DGKG: variants seen among roughly 807,000 people sequenced by gnomAD.
DGKG encodes the protein DAG kinase gamma.
DGKG carries 78 observed loss-of-function variants against 105.3 expected under a neutral mutation model. That is an observed-to-expected ratio of 0.74 (90% confidence interval 0.62 to 0.89). DGKG has a LOEUF of 0.89. Among genes scored for constraint, DGKG ranks in the 40% least tolerant of loss-of-function variants. The pLI, the probability that DGKG is intolerant of heterozygous loss-of-function variation, is 0.00. For missense variants in DGKG, 958 were observed against 1,020.1 expected (o/e 0.94, Z 0.83); for synonymous variants, 346 against 367.1 (o/e 0.94, Z 0.66).
chr3:186,234,719 C>T (rs1720330779), intron 20 of DGKG, among the ~76,000 whole-genome samples: 1 of 152,206 alleles, frequency 6.6e-6, no homozygotes. Flanking sequence ...TGAGACGCCA[C>T]AGGCTGCTGC....
intron 21 of DGKG, among the ~76,000 whole-genome samples, chr3:186,204,914 C>T (rs566262904): frequency 6.6e-6 from 1 of 152,228 alleles, no homozygotes; most frequent in Admixed American, 6.5e-5. Flanking sequence ...TTCTGCTCCT[C>T]GTCACGGATA....
intron 21 of DGKG, among the ~76,000 whole-genome samples, chr3:186,208,346 G>A (rs961974508): frequency 2.0e-5 from 3 of 151,170 alleles, no homozygotes; most frequent in Non-Finnish European, 2.9e-5. Context: ...CTCGCCACGC[G>A]AATGGCTTTT....
At chr3:186,268,415 G>T (rs1258506972) in intron 12 of DGKG, among the ~76,000 whole-genome samples, 1 of 152,154 alleles carries the variant, frequency 6.6e-6, no homozygotes, top group Non-Finnish European at 1.5e-5. Context: ...GTGCCTTCAG[G>T]GCAGGCACCC....
chr3:186,201,123 T>C (rs1033991473), intron 21 of DGKG, among the ~76,000 whole-genome samples: 1 of 152,066 alleles, frequency 6.6e-6, no homozygotes, highest in Admixed American at 6.5e-5. Flanking sequence ...TATCCACTGC[T>C]CCACCCTCCC....
chr3:186,250,253 C>G (rs1432091828), intron 19 of DGKG, among the ~76,000 whole-genome samples: 1 of 152,148 alleles, frequency 6.6e-6, no homozygotes, highest in African/African-American at 2.4e-5. Flanking sequence ...AGTGGCTGTT[C>G]TCACTTACAA....
At chr3:186,166,134 T>G (rs531388214) in intron 22 of DGKG, among the ~76,000 whole-genome samples, 3 of 152,222 alleles carry the variant, frequency 2.0e-5, no homozygotes, top group Non-Finnish European at 4.4e-5. Flanking sequence ...AACTATTGTT[T>G]AAAAAACAAT....
chr3:186,227,486 T>C (rs1719912674), intron 20 of DGKG, among the ~76,000 whole-genome samples: 1 of 152,224 alleles, frequency 6.6e-6, no homozygotes, highest in African/African-American at 2.4e-5. Context: ...AATTTGTGTC[T>C]GTATTTCACA....
chr3:186,350,749 C>T (rs1197678083), intron 1 of DGKG, among the ~76,000 whole-genome samples: 1 of 152,200 alleles, frequency 6.6e-6, no homozygotes, highest in African/African-American at 2.4e-5. Context: ...CTTGCCAACA[C>T]TTGTTATTTT....
intron 21 of DGKG, among the ~76,000 whole-genome samples, chr3:186,206,394 A>T (rs1718737690): frequency 1.3e-5 from 2 of 151,066 alleles, no homozygotes; most frequent in African/African-American, 4.9e-5. Context: ...AAAACAAAAC[A>T]AAACAAAACA....
intron 1 of DGKG, among the ~76,000 whole-genome samples, chr3:186,322,441 A>C (rs1198615711): frequency 6.6e-6 from 1 of 152,192 alleles, no homozygotes; most frequent in African/African-American, 2.4e-5. Context: ...GGAGGATGGG[A>C]GGAGGGAGAG....
intron 20 of DGKG, among the ~76,000 whole-genome samples, chr3:186,214,527 C>T (rs950237281): frequency 6.6e-6 from 1 of 151,906 alleles, no homozygotes; most frequent in African/African-American, 2.4e-5. Context: ...TTTTTCTGGG[C>T]AAGAAAAAAT....
At chr3:186,153,050 G>C (rs1242997409) in intron 24 of DGKG, among the ~76,000 whole-genome samples, 1 of 146,166 alleles carries the variant, frequency 6.8e-6, no homozygotes, top group African/African-American at 2.5e-5. Flanking sequence ...TTGCTAGTTA[G>C]TACCTCCAGG....
chr3:186,272,304 T>G lies in DGKG; in HGVS notation c.950A>C (p.Asn317Thr). The change falls in exon 11 of 25, where the codon AAC becomes ACC. Residue 317 changes from asparagine (N) to threonine (T), a missense_variant. Coordinates refer to ENST00000265022, the MANE Select transcript of DGKG (RefSeq NM_001346.3). Reference protein sequence around the residue: ...YTVHERCVSRNIPGCVKTYSK... With the variant: ...YTVHERCVSRTIPGCVKTYSK... Reference sequence around the variant, plus strand: ...GTACGTTTTGACACAACCAGGAATGTTTCTGGACACACAGCGTTCGTGGAC... The same window carrying G: ...GTACGTTTTGACACAACCAGGAATGGTTCTGGACACACAGCGTTCGTGGAC... 1 of 1,614,004 alleles carries G rather than the reference T, an allele frequency of 6.2e-7. No homozygotes were observed. The highest frequency in any genetic ancestry group is 1.7e-4 in the Middle Eastern group (1 of 6,060).
intron 20 of DGKG, among the ~76,000 whole-genome samples, chr3:186,220,390 G>A (rs1207306321): frequency 2.0e-5 from 3 of 152,176 alleles, no homozygotes; most frequent in Non-Finnish European, 4.4e-5. Context: ...TTAGGAAACC[G>A]AGATCAGTTC....
At chr3:186,311,827 A>G (rs573854466) in intron 2 of DGKG, among the ~76,000 whole-genome samples, 35 of 147,864 alleles carry the variant, frequency 2.4e-4, no homozygotes, top group Admixed American at 1.2e-3. Flanking sequence ...AGTTAAGAAC[A>G]CAGAGTAGGC....
At position 186,147,904 on chromosome 3, in the gene DGKG, G is replaced by A. The variant is rs1403159044; in HGVS notation, c.*2186C>T. Reference sequence around the variant, plus strand: ...CATCACCAAGAATACCATCATTAAAGATATTCTTCAGGTGGCCTGGTTTTC... The same window carrying A: ...CATCACCAAGAATACCATCATTAAAAATATTCTTCAGGTGGCCTGGTTTTC... On this transcript the variant is annotated 3_prime_UTR_variant, in exon 25 of 25. Transcript: ENST00000265022. 3 of 985,414 alleles carry A rather than the reference G, an allele frequency of 3.0e-6. No homozygotes were observed. The highest frequency in any genetic ancestry group is 3.6e-6 in the Non-Finnish European group (3 of 829,940). The allele number at this position is 985,414 out of a possible 1,614,324, so 61.0% of individuals were successfully genotyped here. A position where few individuals can be genotyped will look rare whatever the true frequency, so the allele number is the denominator to read the frequency against.
At chr3:186,180,300 G>T (rs1444226794) in intron 22 of DGKG, among the ~76,000 whole-genome samples, 1 of 152,072 alleles carries the variant, frequency 6.6e-6, no homozygotes, top group Non-Finnish European at 1.5e-5. Context: ...TTTCAACGTG[G>T]GCTGCTTGAA....
chr3:186,355,155 TCAC>T (rs1560170366), intron 1 of DGKG, among the ~76,000 whole-genome samples: 1 of 32,710 alleles, frequency 3.1e-5, no homozygotes, highest in Non-Finnish European at 6.1e-5. Flanking sequence ...ATTATCATTA[TCAC>T]CACCATCACC....
intron 5 of DGKG, among the ~76,000 whole-genome samples, chr3:186,290,088 T>C (rs2284834): frequency 0.83 from 126,416 of 152,108 alleles, 52,881 homozygotes; most frequent in East Asian, 0.99. Context: ...CTAGGAAACG[T>C]GGCTGCAAAG....
Sources: allele counts gnomAD v4.1 joint callset (sites outside exome capture counted in the v4.1 genomes callset), GRCh38; gene constraint gnomAD v4.1.1; transcripts MANE v1.5; gene names NCBI Gene and HGNC (gene_info 2026-07-23, HGNC 2026-07-21).